Variants in RAPGEF4 observed in about 807,000 individuals in gnomAD.
RAPGEF4 encodes Rap guanine nucleotide exchange factor 4, also known as RAP guanine-nucleotide-exchange factor (GEF) 4.
In RAPGEF4, 66 loss-of-function variants were observed where a neutral mutation model predicts 147.9. The observed-to-expected ratio is 0.45, with a 90% CI of 0.37 to 0.55. The LOEUF (loss-of-function observed/expected upper bound fraction) is 0.55. RAPGEF4 is among the 20% of genes least tolerant of loss of function. The probability of loss-of-function intolerance (pLI) is 0.00; values close to 1 mark genes in which losing one functional copy is unlikely to be tolerated. For synonymous variants in RAPGEF4, 419 were observed against 442.7 expected (o/e 0.95, Z 0.67); for missense variants, 1,071 against 1,257.3 (o/e 0.85, Z 2.24).
intron 1 of RAPGEF4, among the ~76,000 whole-genome samples, chr2:172,755,230 G>A (rs1695661194): frequency 6.6e-6 from 1 of 151,980 alleles, no homozygotes; most frequent in African/African-American, 2.4e-5. Flanking sequence ...TTTAATTCAG[G>A]ACCCATAAAC....
intron 4 of RAPGEF4, among the ~76,000 whole-genome samples, chr2:172,855,540 A>G (rs956752): frequency 0.1 from 15,618 of 152,128 alleles, 808 homozygotes; most frequent in South Asian, 0.16. Context: ...TTTCCTTCCT[A>G]TAGATCTGGC....
At chr2:172,772,745 T>G (rs1683752951) in intron 1 of RAPGEF4, among the ~76,000 whole-genome samples, 1 of 152,246 alleles carries the variant, frequency 6.6e-6, no homozygotes, top group Non-Finnish European at 1.5e-5. Context: ...AAGCGTGTGC[T>G]TTGGTACCAG....
chr2:172,783,879 C>G (rs1249074631), intron 1 of RAPGEF4, among the ~76,000 whole-genome samples: 1 of 151,570 alleles, frequency 6.6e-6, no homozygotes. Context: ...CAGTGATGCA[C>G]CAAAGTTTTC....
At chr2:172,866,095 G>C (rs1180499808) in intron 4 of RAPGEF4, among the ~76,000 whole-genome samples, 1 of 151,958 alleles carries the variant, frequency 6.6e-6, no homozygotes, top group Non-Finnish European at 1.5e-5. Context: ...GTGTACATGG[G>C]CTTCTACCAT....
At chr2:172,810,692 A>G (rs776016224) in intron 3 of RAPGEF4, among the ~76,000 whole-genome samples, 3 of 152,180 alleles carry the variant, frequency 2.0e-5, no homozygotes, top group Non-Finnish European at 4.4e-5. Context: ...TTCCTAACAG[A>G]ATGAAGTCTT....
At chr2:173,034,145 C>T (rs1388111932) in intron 27 of RAPGEF4, among the ~76,000 whole-genome samples, 181 bp downstream of exon 27, 1 of 152,208 alleles carries the variant, frequency 6.6e-6, no homozygotes, top group African/African-American at 2.4e-5. Context: ...CCCTCAGGAA[C>T]TAACTTAAAG....
At chr2:172,736,129 G>A in intron 1 of RAPGEF4, 81 bp downstream of exon 1, 2 of 1,142,844 alleles carry the variant, frequency 1.8e-6, no homozygotes, top group Admixed American at 4.4e-5. Flanking sequence ...TCCGCACCTG[G>A]GCGCAGCGCG....
chr2:172,850,999 A>T (rs1247514052), intron 4 of RAPGEF4, among the ~76,000 whole-genome samples: 1 of 151,644 alleles, frequency 6.6e-6, no homozygotes, highest in Non-Finnish European at 1.5e-5. Flanking sequence ...GGGTTGGTTC[A>T]CTCTTGCTTT....
At chr2:173,003,684 C>A (rs1694169956) in intron 17 of RAPGEF4, among the ~76,000 whole-genome samples, 1 of 133,420 alleles carries the variant, frequency 7.5e-6, no homozygotes, top group African/African-American at 2.8e-5. Flanking sequence ...GATTCCAAAC[C>A]TGGAGTTTGC....
At chr2:172,958,255 T>C (rs13023047) in intron 6 of RAPGEF4, among the ~76,000 whole-genome samples, 118,734 of 152,162 alleles carry the variant, frequency 0.78, 48,904 homozygotes, top group East Asian at 0.97. Context: ...AAGAAATGGA[T>C]TTCTACTATT....
intron 4 of RAPGEF4, among the ~76,000 whole-genome samples, chr2:172,839,901 A>T (rs1173871602): frequency 8.5e-5 from 13 of 152,228 alleles, no homozygotes; most frequent in Non-Finnish European, 1.6e-4. Context: ...GGTAAGTCAT[A>T]TGCATATGAA....
chr2:172,965,652 A>T lies in RAPGEF4; in HGVS notation c.789A>T (p.Gln263His). 1 of 1,614,192 alleles carries T rather than the reference A, an allele frequency of 6.2e-7. No individual in the cohort carries two copies. The highest frequency in any genetic ancestry group is 8.5e-7 in the Non-Finnish European group (1 of 1,180,028). Residue 263 changes from glutamine (Q) to histidine (H), a missense_variant, in exon 9 of 31, where the codon CAA (glutamine) becomes CAT (histidine). Gln to His is a conservative substitution (Grantham distance 24). Transcript: ENST00000397081. ...HSRTQAVGMW[Q>H]VLLEDGVLNH... is the part of the protein sequence containing the mutation. ...GGACTCAAGCTGTTGGCATGTGGCA[A>T]GTCCTGTTAGAAGATGGTGTTCTCA...
rs529929866 is a variant in RAPGEF4 at position 172,852,055 on chromosome 2, G to T, written c.444+37630G>T. Among the ~76,000 whole-genome samples the T allele has an allele frequency of 9.2e-5, 14 of 152,270 alleles. No individual in the cohort carries two copies. In the East Asian group the frequency reaches 1.9e-3, roughly 21 times the overall value. The stretch of plus-strand genomic sequence containing the variant: ...GGATATTTTGCCATGAATATTTATA[G>T]ATCACAACAAGTTATGTGCTCATTA... On this transcript the variant is annotated intron_variant, in intron 4 of 30. Transcript: ENST00000397081.
chr2:172,767,417 G>A (rs1004734050), intron 1 of RAPGEF4, among the ~76,000 whole-genome samples: 3 of 152,064 alleles, frequency 2.0e-5, no homozygotes, highest in Non-Finnish European at 4.4e-5. Context: ...GACCTCAAAT[G>A]ATCCACCTGC....
chr2:172,867,757 G>T (rs1368442435), intron 4 of RAPGEF4, among the ~76,000 whole-genome samples: 1 of 152,190 alleles, frequency 6.6e-6, no homozygotes, highest in Admixed American at 6.5e-5. Flanking sequence ...GATTAAATAG[G>T]CACAAGCTAA....
intron 26 of RAPGEF4, among the ~76,000 whole-genome samples, chr2:173,031,747 G>T (rs1322612312): frequency 1.3e-5 from 2 of 152,174 alleles, no homozygotes; most frequent in Non-Finnish European, 2.9e-5. Context: ...GGAGTTCTGT[G>T]AGTCTATGAG....
chr2:172,916,266 C>T (rs1045478479), intron 4 of RAPGEF4, among the ~76,000 whole-genome samples: 1 of 152,152 alleles, frequency 6.6e-6, no homozygotes, highest in African/African-American at 2.4e-5. Flanking sequence ...ACATCCAAGA[C>T]AATATTTCTA....
At chr2:172,786,714 A>G (rs1369663825) in intron 1 of RAPGEF4, among the ~76,000 whole-genome samples, 2 of 152,114 alleles carry the variant, frequency 1.3e-5, no homozygotes, top group African/African-American at 4.8e-5. Flanking sequence ...ATCTCTACAA[A>G]AAATTTTCAA....
intron 3 of RAPGEF4, among the ~76,000 whole-genome samples, chr2:172,807,863 G>A (rs139164867): frequency 6.6e-6 from 1 of 152,206 alleles, no homozygotes; most frequent in African/African-American, 2.4e-5. Flanking sequence ...CAATAAATTT[G>A]CCATGAGACA....
Sources: gnomAD v4.1 joint callset for allele counts (sites outside exome capture counted in the v4.1 genomes callset) on GRCh38, gnomAD v4.1.1 for gene constraint, MANE v1.5 for transcripts, NCBI Gene and HGNC (gene_info 2026-07-23, HGNC 2026-07-21) for gene names.